Variants in CCDC102B observed in about 807,000 individuals in gnomAD.
CCDC102B encodes coiled-coil domain containing 102B.
In CCDC102B, 75 loss-of-function variants were observed where a neutral mutation model predicts 57.4. The observed-to-expected ratio is 1.31, with a 90% confidence interval of 1.08 to 1.58. The LOEUF (loss-of-function observed/expected upper bound fraction) is 1.58. Ranked by LOEUF, CCDC102B falls within the 40% of genes most tolerant of loss-of-function variation. The probability of loss-of-function intolerance (pLI) is 0.00; values close to 1 mark genes in which losing one functional copy is unlikely to be tolerated. For synonymous variants in CCDC102B, 206 were observed against 201.9 expected, an observed-to-expected ratio of 1.02 and a Z score of -0.17; for missense variants, 636 against 582.6, an observed-to-expected ratio of 1.09 and a Z score of -0.94.
intron 1 of CCDC102B, among the ~76,000 whole-genome samples, chr18:68,809,580 T>TA (rs34285342): frequency 0.17 from 25,172 of 152,108 alleles, 2,312 homozygotes; most frequent in East Asian, 0.35. Context: ...ACTTTCCATT[T>TA]AATAGCTACA....
At chr18:68,883,253 T>C (rs1434931513) in intron 5 of CCDC102B, among the ~76,000 whole-genome samples, 2 of 151,418 alleles carry the variant, frequency 1.3e-5, no homozygotes, top group Non-Finnish European at 2.9e-5. Flanking sequence ...CTAAAAAAAA[T>C]ACAAAAAAAT....
rs771568028 is a variant in CCDC102B at position 68,784,916 on chromosome 18, C to T, written c.-66-38450C>T. On this transcript the variant is annotated intron_variant, in intron 2 of 3. Coordinates refer to the CCDC102B transcript ENST00000578970. ...TATGTATACATGTGCCATGCTGGTG[C>T]GCTGCACCCACCAACTCGTCATTTA... Among the ~76,000 whole-genome samples, 10 of 151,796 alleles carry T rather than the reference C, an allele frequency of 6.6e-5. No homozygotes were observed. The South Asian group carries it at 8.3e-4, about 13-fold the overall frequency.
rs1336451941 is a variant in CCDC102B, at chr18:68,912,616, A to G, written c.1263+15188A>G. Among the ~76,000 whole-genome samples, 7 of 152,226 alleles carry G rather than the reference A, an allele frequency of 4.6e-5. No individual in the cohort carries two copies. In the East Asian group the frequency reaches 1.3e-3, roughly 29 times the overall value. ...TGTCTTTAAGGTGAGGATAGTATAT[A>G]CGTTTTTTAGTCATTGTATTGATTG... is the stretch of plus-strand genomic sequence containing the variant. On this transcript the variant is annotated intron_variant, in intron 6 of 7. Coordinates refer to ENST00000360242, the MANE Select transcript of CCDC102B (RefSeq NM_024781.3).
intron 7 of CCDC102B, among the ~76,000 whole-genome samples, chr18:69,032,610 C>A (rs879704384): frequency 3.3e-5 from 5 of 152,112 alleles, no homozygotes; most frequent in African/African-American, 4.8e-5. Flanking sequence ...CTATAGTTAT[C>A]TTTAATTTGG....
At chr18:68,771,658 G>T (rs1411155468) in intron 2 of CCDC102B, among the ~76,000 whole-genome samples, 1 of 152,186 alleles carries the variant, frequency 6.6e-6, no homozygotes, top group East Asian at 1.9e-4. Context: ...CCTTGAAATT[G>T]TGCAGACATG....
rs145997160 is a variant in CCDC102B at position 68,935,921 on chromosome 18, C to A, written c.1263+38493C>A. On this transcript the variant is annotated intron_variant, in intron 6 of 7. Coordinates refer to ENST00000360242, the MANE Select transcript of CCDC102B (RefSeq NM_024781.3). The stretch of plus-strand genomic sequence containing the variant: ...CCCACTCTCCTCCTCATGTTCATGC[C>A]CCTTCTGCTTAGTGCTCCACATCTC... 2.7e-3 allele frequency among the ~76,000 whole-genome samples: 405 copies of A among 151,916 alleles called. 3 individuals are homozygous for A. The highest frequency in any genetic ancestry group is 6.8e-3 in the Middle Eastern group (2 of 294).
intron 6 of CCDC102B, among the ~76,000 whole-genome samples, chr18:68,909,586 T>A (rs1220684498): frequency 2.0e-5 from 3 of 152,204 alleles, no homozygotes; most frequent in Admixed American, 2.0e-4. Flanking sequence ...TTTTTAAAAA[T>A]AGGAATAGAC....
chr18:68,828,310 A>G (rs9963773), intron 1 of CCDC102B, among the ~76,000 whole-genome samples: 1,805 of 126,930 alleles, frequency 0.014, 22 homozygotes, highest in African/African-American at 0.035. Context: ...ACCAAGGTAC[A>G]TACCCTATTT....
chr18:68,795,801 A>C (rs2144670758), upstream of CCDC102B, among the ~76,000 whole-genome samples: 1 of 152,294 alleles, frequency 6.6e-6, no homozygotes, highest in Non-Finnish European at 1.5e-5. Context: ...CTTAGAGGAC[A>C]CAATTCAACT....
chr18:68,754,777 G>A (rs2033986231), intron 2 of CCDC102B: 2 of 152,200 alleles, frequency 1.3e-5, no homozygotes, highest in Admixed American at 1.3e-4. Flanking sequence ...AGAAGCTGGA[G>A]CCATTGGTAC....
At chr18:68,764,944 G>T (rs759567254) in intron 2 of CCDC102B, among the ~76,000 whole-genome samples, 14 of 151,736 alleles carry the variant, frequency 9.2e-5, no homozygotes, top group Non-Finnish European at 1.5e-4. Flanking sequence ...CTACCTTGGA[G>T]GCTGAGGTAG....
At chr18:68,834,434 T>TAC (rs145642933) in intron 1 of CCDC102B, among the ~76,000 whole-genome samples, 1 of 109,554 alleles carries the variant, frequency 9.1e-6, no homozygotes, top group Non-Finnish European at 1.9e-5. Flanking sequence ...TGTAAATACA[T>TAC]ATATATATAT....
chr18:68,852,182 A>G (rs916861603), intron 4 of CCDC102B, among the ~76,000 whole-genome samples: 1 of 152,150 alleles, frequency 6.6e-6, no homozygotes, highest in Non-Finnish European at 1.5e-5. Flanking sequence ...GTATGCACCA[A>G]TCTTACTGAA....
chr18:68,862,986 G>A (rs1458525776), intron 4 of CCDC102B, among the ~76,000 whole-genome samples: 1 of 151,670 alleles, frequency 6.6e-6, no homozygotes, highest in East Asian at 1.9e-4. Flanking sequence ...AAAACATAGA[G>A]ACTTACTTAT....
intron 6 of CCDC102B, among the ~76,000 whole-genome samples, chr18:68,918,892 G>C (rs1013622779): frequency 6.6e-6 from 1 of 151,998 alleles, no homozygotes; most frequent in African/African-American, 2.4e-5. Flanking sequence ...CCAGAGAATT[G>C]ATGTCTTATT....
chr18:69,043,643 AC>A (rs2052487978), intron 7 of CCDC102B, among the ~76,000 whole-genome samples: 1 of 152,030 alleles, frequency 6.6e-6, no homozygotes, highest in African/African-American at 2.4e-5. Flanking sequence ...AATCCATTTA[AC>A]CCTGAGTTTG....
chr18:68,980,243 T>C (rs1052995433), intron 6 of CCDC102B, among the ~76,000 whole-genome samples: 1 of 150,646 alleles, frequency 6.6e-6, no homozygotes, highest in African/African-American at 2.5e-5. Flanking sequence ...TCCTCCAGAA[T>C]CATATTCAAT....
rs554229773 is a variant in CCDC102B, at chr18:68,753,011, T to G, written c.-67+36417T>G. Among the ~76,000 whole-genome samples the G allele has an allele frequency of 4.1e-3, 627 of 152,278 alleles. 2 individuals are homozygous for G. Among genetic ancestry groups the G allele is most frequent in the African/African-American group, 0.013 (551 of 41,584 alleles). On this transcript the variant is annotated intron_variant, in intron 2 of 3. Coordinates refer to the CCDC102B transcript ENST00000578970. ...AAACCAGTCTGTTTTTTTTATGACT[T>G]AACTTCTCTTTTATATTTTCCCTCT...
chr18:68,998,373 G>A (rs1264842849), intron 6 of CCDC102B, among the ~76,000 whole-genome samples: 1 of 138,042 alleles, frequency 7.2e-6, no homozygotes, highest in Non-Finnish European at 1.5e-5. Context: ...ATCTACATAT[G>A]TATACATACA....
Sources: allele counts gnomAD v4.1 joint callset (sites outside exome capture counted in the v4.1 genomes callset), GRCh38; gene constraint gnomAD v4.1.1; transcripts MANE v1.5; gene names NCBI Gene and HGNC (gene_info 2026-07-23, HGNC 2026-07-21).